The following HERC4 variants were observed in gnomAD, a reference collection of about 807,000 sequenced individuals.
HERC4 encodes probable E3 ubiquitin-protein ligase HERC4.
HERC4 carries 28 observed loss-of-function variants against 124.3 expected under a neutral mutation model. That is an observed-to-expected ratio of 0.23 (90% CI 0.17 to 0.31). The LOEUF is 0.31. HERC4 is among the 10% of genes least tolerant of loss of function. The pLI, the probability that HERC4 is intolerant of heterozygous loss-of-function variation, is 1.00. For synonymous variants in HERC4, 407 were observed against 421.5 expected (o/e 0.97, Z 0.42); for missense variants, 713 against 1,229.3 (o/e 0.58, Z 6.28).
chr10:68,042,289 G>A (rs891451763), intron 4 of HERC4, among the ~76,000 whole-genome samples: 1 of 152,142 alleles, frequency 6.6e-6, no homozygotes, highest in Non-Finnish European at 1.5e-5. Flanking sequence ...TTACAGGCGT[G>A]AGCCACTATG....
intron 4 of HERC4, 51 bp downstream of exon 4, chr10:68,044,353 A>G (rs772844602): frequency 2.6e-6 from 4 of 1,552,016 alleles, no homozygotes; most frequent in Middle Eastern, 1.7e-4. Context: ...TTAGATTAAC[A>G]AATTTATTTT....
chr10:68,002,259 T>C (rs981745579), intron 9 of HERC4, among the ~76,000 whole-genome samples: 1 of 152,202 alleles, frequency 6.6e-6, no homozygotes, highest in African/African-American at 2.4e-5. Context: ...TCACTGTGAA[T>C]AGATAAAATC....
intron 19 of HERC4, among the ~76,000 whole-genome samples, chr10:67,951,927 T>A (rs963190622): frequency 6.6e-5 from 10 of 152,116 alleles, no homozygotes; most frequent in Non-Finnish European, 1.3e-4. Flanking sequence ...CAAAAAAAAA[T>A]GCATACAACA....
intron 3 of HERC4, among the ~76,000 whole-genome samples, chr10:68,049,590 CAAAAAA>C (rs766514516): frequency 2.8e-4 from 12 of 42,612 alleles, no homozygotes; most frequent in African/African-American, 1.3e-3. Context: ...GACACTGCCA[CAAAAAA>C]AAAAAAAAAA....
At chr10:67,985,837 G>C (rs1214405382) in intron 15 of HERC4, among the ~76,000 whole-genome samples, 1 of 152,140 alleles carries the variant, frequency 6.6e-6, no homozygotes, top group Non-Finnish European at 1.5e-5. Context: ...ACATATGGGA[G>C]GAACAAGTGC....
intron 15 of HERC4, among the ~76,000 whole-genome samples, chr10:67,977,451 C>T (rs2035663053): frequency 1.3e-5 from 2 of 152,192 alleles, no homozygotes; most frequent in African/African-American, 2.4e-5. Flanking sequence ...GAGCCTGAAA[C>T]TTCCTGGCTT....
At chr10:67,969,723 A>G (rs1408613034) in intron 15 of HERC4, among the ~76,000 whole-genome samples, 1 of 152,132 alleles carries the variant, frequency 6.6e-6, no homozygotes, top group East Asian at 1.9e-4. Context: ...CAGTAGGACT[A>G]GAGGTCTGCA....
intron 3 of HERC4, among the ~76,000 whole-genome samples, chr10:68,066,352 G>C (rs1564617941): frequency 6.6e-6 from 1 of 152,186 alleles, no homozygotes; most frequent in Non-Finnish European, 1.5e-5. Flanking sequence ...TCTGCAACAA[G>C]AATCTGCTAA....
chr10:67,972,560 T>G (rs1319678261), intron 15 of HERC4, among the ~76,000 whole-genome samples: 2 of 148,406 alleles, frequency 1.3e-5, no homozygotes, highest in Non-Finnish European at 1.5e-5. Flanking sequence ...AAAAAAGAAT[T>G]TCTCTGTACT....
At chr10:67,964,091 A>ATT (rs11327388) in intron 16 of HERC4, among the ~76,000 whole-genome samples, 62,462 of 129,040 alleles carry the variant, frequency 0.48, 17,831 homozygotes, top group Non-Finnish European at 0.65. Flanking sequence ...CTACCACTCC[A>ATT]TTTTTTTTTT....
intron 24 of HERC4, among the ~76,000 whole-genome samples, chr10:67,924,201 A>G (rs1443980414): frequency 5.9e-5 from 9 of 152,206 alleles, no homozygotes; most frequent in Admixed American, 5.9e-4. Flanking sequence ...GAATGTGTCA[A>G]CTGTTTTTCT....
At position 68,075,224 on chromosome 10, in the gene HERC4, A is replaced by T. The variant is rs1589498171; in HGVS notation, c.-189T>A. ...AGCGACCCGGATGGAGCGGGCGGGG[A>T]AGAACGGGAGGCAAGCGGGGCGGAG... On this transcript the variant is annotated 5_prime_UTR_variant, in exon 1 of 25. Transcript: ENST00000373700. 1 of 153,010 alleles carries T rather than the reference A, an allele frequency of 6.5e-6. No homozygotes were observed. The highest frequency in any genetic ancestry group is 1.5e-5 in the Non-Finnish European group (1 of 68,488). The allele number at this position is 153,010 out of a possible 1,614,324, so 9.5% of individuals were successfully genotyped here. A position where few individuals can be genotyped will look rare whatever the true frequency, so the allele number is the denominator to read the frequency against.
chr10:67,941,122 A>G lies in HERC4; in HGVS notation c.2338-17T>C, dbSNP rs750644867. 1 of 1,486,486 alleles carries G rather than the reference A, an allele frequency of 6.7e-7. No homozygotes were observed. The highest frequency in any genetic ancestry group is 9.0e-7 in the Non-Finnish European group (1 of 1,109,788). 92.1% of individuals were successfully genotyped at this position (1,486,486 alleles called of 1,614,324 possible). ...TTCAAATGTCTAAAAATATAAGAAA[A>G]AGTAAACACATGTCCTCCAAGTTAA... On this transcript the variant is annotated splice_polypyrimidine_tract_variant and intron_variant, in intron 19 of 24. Coordinates refer to ENST00000373700, the MANE Select transcript of HERC4 (RefSeq NM_015601.4).
intron 13 of HERC4, 55 bp from the exon 14 acceptor site, chr10:67,990,455 A>AT (rs2036489530): frequency 9.6e-5 from 97 of 1,012,870 alleles, no homozygotes; most frequent in Non-Finnish European, 9.7e-5. Flanking sequence ...ACACTTTCAA[A>AT]GAAAAAAAAA....
chr10:67,965,977 T>A (rs549913339), intron 16 of HERC4: 51 of 152,350 alleles, frequency 3.3e-4, no homozygotes, highest in African/African-American at 1.2e-3. Context: ...TATTAAAGAC[T>A]TAGCTGCATA....
intron 3 of HERC4, among the ~76,000 whole-genome samples, chr10:68,053,777 A>T (rs2040425364): frequency 6.6e-6 from 1 of 152,158 alleles, no homozygotes; most frequent in Non-Finnish European, 1.5e-5. Context: ...CAGTTCTGTG[A>T]ATGCCCATGT....
chr10:67,955,034 C>T lies in HERC4; in HGVS notation c.2122G>A (p.Glu708Lys). The T allele has an allele frequency of 6.3e-7, 1 of 1,598,884 alleles. No individual in the cohort carries two copies. The highest frequency in any genetic ancestry group is 1.1e-5 in the South Asian group (1 of 88,610). The stretch of plus-strand genomic sequence containing the variant: ...TCCATTGCATCTCCTACAATATTTT[C>T]TCTACGCACCACTAGAATTAAGCAG... ...NPCLILVVRR[E>K]NIVGDAMEVL... The change falls in exon 18 of 25, where the codon GAA (glutamate) becomes AAA (lysine). Residue 708 changes from glutamate to lysine, a missense_variant. Transcript: ENST00000373700.
At chr10:67,952,238 C>T (rs971820136) in intron 19 of HERC4, among the ~76,000 whole-genome samples, 4 of 152,188 alleles carry the variant, frequency 2.6e-5, no homozygotes, top group Non-Finnish European at 5.9e-5. Context: ...CTTGTTAAAA[C>T]CAAAACGTGA....
intron 9 of HERC4, among the ~76,000 whole-genome samples, chr10:68,003,982 G>A (rs1049415724): frequency 2.6e-5 from 4 of 151,962 alleles, no homozygotes; most frequent in South Asian, 2.1e-4. Flanking sequence ...GTATACAAGC[G>A]TTCCCTTTTC....
Sources: gnomAD v4.1 joint callset for allele counts (sites outside exome capture counted in the v4.1 genomes callset) on GRCh38, gnomAD v4.1.1 for gene constraint, MANE v1.5 for transcripts, NCBI Gene and HGNC (gene_info 2026-07-23, HGNC 2026-07-21) for gene names.